SUCO: variants seen among roughly 807,000 people sequenced by gnomAD.
The protein encoded by SUCO is SUN domain containing ossification factor.
A neutral mutation model predicts 148.1 loss-of-function variants in SUCO; 57 were observed. That is an observed-to-expected ratio of 0.38 (90% CI 0.31 to 0.48). The LOEUF is 0.48. Among genes scored for constraint, SUCO ranks in the 20% least tolerant of loss-of-function variants. The pLI is 0.96. For synonymous variants in SUCO, 470 were observed against 502.7 expected, an observed-to-expected ratio of 0.93 and a Z score of 0.87; for missense variants, 1,331 against 1,468.2, an observed-to-expected ratio of 0.91 and a Z score of 1.53.
Position 172,577,838 on chromosome 1 carries a change from C to G in SUCO, c.1340+19C>G. 6.4e-7 allele frequency: 1 copy of G among 1,574,502 alleles called. No homozygotes were observed. Among genetic ancestry groups the G allele is most frequent in the Non-Finnish European group, 8.6e-7 (1 of 1,159,146 alleles). On this transcript the variant is annotated intron_variant, in intron 13 of 23. Transcript: ENST00000263688. ...TTATAAGGTAATGCAGAACAAAATA[C>G]ATTTATTGAGTTTTTAAAAAAATTG...
intron 1 of SUCO, among the ~76,000 whole-genome samples, chr1:172,549,145 CTG>C (rs1207357515): frequency 6.6e-6 from 1 of 151,800 alleles, no homozygotes; most frequent in Non-Finnish European, 1.5e-5. Flanking sequence ...TTTCTTAAAA[CTG>C]TATATACTTA....
At chr1:172,544,245 C>A (rs1023868852) in intron 1 of SUCO, 17 of 468,612 alleles carry the variant, frequency 3.6e-5, no homozygotes, top group Non-Finnish European at 4.7e-5. Flanking sequence ...TTAGTTATTT[C>A]TTTTACCACA....
At chr1:172,532,640 T>C, upstream of SUCO, 3 of 1,613,962 alleles carry the variant, frequency 1.9e-6, 1 homozygote. Context: ...GTGCAACAGT[T>C]CCAAAGCTGA....
At chr1:172,592,490 C>A (rs2149263057) in intron 19 of SUCO, among the ~76,000 whole-genome samples, 1 of 152,308 alleles carries the variant, frequency 6.6e-6, no homozygotes, top group East Asian at 1.9e-4. Flanking sequence ...CAGCTTTCTA[C>A]ATATGGCTAG....
rs180915271 is a variant in SUCO, at chr1:172,597,590, G to C, written c.2914-2474G>C. ...AAGAACGGCTTTGTTTCTTCTTTTT[G>C]ATCGTCATACCTTTTTTTTCCCCCT... On this transcript the variant is annotated intron_variant, in intron 19 of 23. Coordinates refer to ENST00000263688, the MANE Select transcript of SUCO (RefSeq NM_014283.5). 5.0e-3 allele frequency among the ~76,000 whole-genome samples: 758 copies of C among 151,226 alleles called. 8 individuals carry two copies. Among genetic ancestry groups the C allele is most frequent in the Non-Finnish European group, 9.0e-3 (611 of 67,938 alleles).
chr1:172,578,612 T>A, intron 14 of SUCO: 1 of 855,388 alleles, frequency 1.2e-6, no homozygotes, highest in Non-Finnish European at 1.4e-6. Flanking sequence ...TATTTGTAAC[T>A]GAAACTCCCT....
chr1:172,533,641 C>A, intron 1 of SUCO, 144 bp downstream of exon 1: 1 of 1,081,476 alleles, frequency 9.2e-7, no homozygotes, highest in Non-Finnish European at 1.3e-6. Context: ...TACTTCTCGA[C>A]TCTCCATCTG....
intron 2 of SUCO, chr1:172,552,733 A>C: frequency 1.5e-6 from 1 of 660,248 alleles, no homozygotes; most frequent in Non-Finnish European, 1.9e-6. Flanking sequence ...AGCATTTTGC[A>C]AACAAATGTC....
intron 19 of SUCO, among the ~76,000 whole-genome samples, chr1:172,596,394 T>C (rs1281179244): frequency 1.3e-5 from 2 of 152,252 alleles, no homozygotes; most frequent in Admixed American, 1.3e-4. Flanking sequence ...TTTTCTGCTC[T>C]GGTTTCTCCC....
chr1:172,590,844 A>G, intron 18 of SUCO, 140 bp from the exon 19 acceptor site: 1 of 562,076 alleles, frequency 1.8e-6, no homozygotes, highest in South Asian at 2.6e-5. Flanking sequence ...GATAAATAGA[A>G]TTGTATTGCA....
At chr1:172,584,608 A>G (rs906251024) in intron 15 of SUCO, among the ~76,000 whole-genome samples, 4 of 152,116 alleles carry the variant, frequency 2.6e-5, no homozygotes, top group Non-Finnish European at 4.4e-5. Context: ...CCCTGTCTCT[A>G]CTAAAATACA....
At chr1:172,545,366 T>C (rs1159297080) in intron 1 of SUCO, among the ~76,000 whole-genome samples, 1 of 151,900 alleles carries the variant, frequency 6.6e-6, no homozygotes, top group Non-Finnish European at 1.5e-5. Context: ...ACCATGAGAG[T>C]ACGTAAGTCT....
At chr1:172,602,856 C>A in intron 22 of SUCO, 69 bp downstream of exon 22, 2 of 1,355,578 alleles carry the variant, frequency 1.5e-6, no homozygotes, top group South Asian at 1.2e-5. Flanking sequence ...AATATAATGT[C>A]AGTGTTGTGT....
intron 10 of SUCO, chr1:172,575,042 TA>T (rs1395837961): frequency 8.1e-6 from 2 of 245,562 alleles, no homozygotes; most frequent in Non-Finnish European, 1.3e-5. Flanking sequence ...AGTAAACAGA[TA>T]TAATAGTTTT....
In SUCO at chr1:172,557,494, A is replaced by G. The variant is rs1240918727; in HGVS notation, c.581+77A>G. ...GTCCTGTTTGAATGGACTTTGGTGTATGTTAAATTCCACTTTGATTGAGAG... is the reference window on the plus strand; with the variant it reads ...GTCCTGTTTGAATGGACTTTGGTGTGTGTTAAATTCCACTTTGATTGAGAG... On this transcript the variant is annotated intron_variant, in intron 5 of 23. Coordinates refer to ENST00000263688, the MANE Select transcript of SUCO (RefSeq NM_014283.5). 15 of 1,568,966 alleles carry G rather than the reference A, an allele frequency of 9.6e-6. No homozygotes were observed. Among genetic ancestry groups the G allele is most frequent in the Admixed American group, 3.6e-5 (2 of 54,964 alleles).
chr1:172,536,985 A>G (rs1052179778), intron 1 of SUCO, among the ~76,000 whole-genome samples: 2 of 152,112 alleles, frequency 1.3e-5, no homozygotes, highest in Non-Finnish European at 2.9e-5. Context: ...CATCTGCAAA[A>G]TCTCTTTTAC....
intron 13 of SUCO, 104 bp downstream of exon 13, chr1:172,577,923 T>C (rs1014476623): frequency 6.2e-6 from 5 of 800,008 alleles, no homozygotes; most frequent in African/African-American, 1.8e-5. Context: ...CGTGAGTTAA[T>C]ACCATAGAAA....
chr1:172,572,584 C>T (rs979977415), intron 9 of SUCO, among the ~76,000 whole-genome samples: 2 of 151,188 alleles, frequency 1.3e-5, no homozygotes, highest in Non-Finnish European at 2.9e-5. Flanking sequence ...GGGTCCTCTG[C>T]ATAGGAAAAC....
intron 6 of SUCO, among the ~76,000 whole-genome samples, chr1:172,560,169 A>C (rs918190320): frequency 6.6e-6 from 1 of 152,216 alleles, no homozygotes; most frequent in Non-Finnish European, 1.5e-5. Context: ...CTAAGACAAA[A>C]CTTTGCTAAG....
Sources: allele counts gnomAD v4.1 joint callset (sites outside exome capture counted in the v4.1 genomes callset), GRCh38; gene constraint gnomAD v4.1.1; transcripts MANE v1.5; gene names NCBI Gene and HGNC (gene_info 2026-07-23, HGNC 2026-07-21).